The following PKNOX2 variants were observed in gnomAD, a reference collection of about 807,000 sequenced individuals.
PKNOX2 encodes homeobox protein PKNOX2.
Under a neutral mutation model 53.1 loss-of-function variants are expected in PKNOX2, and 14 were observed. That is an observed-to-expected ratio of 0.26 (90% CI 0.17 to 0.41). PKNOX2 has a LOEUF of 0.41. PKNOX2 is among the 10% of genes least tolerant of loss of function. The pLI is 1.00. For synonymous variants in PKNOX2, 257 were observed against 242.8 expected, an observed-to-expected ratio of 1.06 and a Z score of -0.54; for missense variants, 496 against 602.8, an observed-to-expected ratio of 0.82 and a Z score of 1.85.
intron 4 of PKNOX2, among the ~76,000 whole-genome samples, chr11:125,365,489 T>C (rs978619191): frequency 6.6e-6 from 1 of 152,224 alleles, no homozygotes; most frequent in African/African-American, 2.4e-5. Flanking sequence ...GTTAGAAGTG[T>C]TAAATTTTAA....
chr11:125,351,124 C>T (rs1425065453), intron 3 of PKNOX2, among the ~76,000 whole-genome samples, 160 bp from the exon 4 acceptor site: 9 of 152,164 alleles, frequency 5.9e-5, no homozygotes, highest in African/African-American at 2.2e-4. Context: ...CCCACCCAGG[C>T]CTCTTCCTTA....
At chr11:125,414,359 C>T (rs574629898) in intron 10 of PKNOX2, among the ~76,000 whole-genome samples, 24 of 152,324 alleles carry the variant, frequency 1.6e-4, no homozygotes, top group African/African-American at 5.8e-4. Flanking sequence ...GGCACAGGTG[C>T]AGGTGCCATT....
chr11:125,410,686 T>C (rs1019577041), intron 8 of PKNOX2, 93 bp from the exon 9 acceptor site: 7 of 970,728 alleles, frequency 7.2e-6, no homozygotes, highest in South Asian at 5.7e-5. Context: ...AGAGGGTCTT[T>C]ACACATGAGT....
chr11:125,381,055 G>A (rs1437091691), intron 5 of PKNOX2, among the ~76,000 whole-genome samples: 1 of 152,186 alleles, frequency 6.6e-6, no homozygotes, highest in African/African-American at 2.4e-5. Context: ...GCTGAGAAAT[G>A]GAGCGTGTCT....
Position 125,220,753 on chromosome 11 carries a change from A to AGG in PKNOX2, c.-200-14289_-200-14288dup, listed in dbSNP as rs1464509822. Among the ~76,000 whole-genome samples the AGG allele has an allele frequency of 2.0e-5, 3 of 152,286 alleles. No individual in the cohort carries two copies. The East Asian group carries it at 5.8e-4, about 29-fold the overall frequency. On this transcript the variant is annotated intron_variant, in intron 1 of 12. Coordinates refer to ENST00000298282, the MANE Select transcript of PKNOX2 (RefSeq NM_001382323.2). ...GCAGTATTTCTGACTACAAAAGCAG[A>AGG]GGGGATGTTCCTCCGAAGTTTCAAA...
Position 125,285,481 on chromosome 11 carries a change from A to G in PKNOX2, c.-129-46338A>G, listed in dbSNP as rs549920297. The stretch of plus-strand genomic sequence containing the variant: ...CATCATTTAACTTCTCTTAAGCTTC[A>G]GGGTAGCCTCAGCTGTATCTTCATC... On this transcript the variant is annotated intron_variant, in intron 2 of 12. Transcript: ENST00000298282. 2.3e-3 allele frequency among the ~76,000 whole-genome samples: 357 copies of G among 152,354 alleles called. 5 individuals are homozygous for G. Among genetic ancestry groups the G allele is most frequent in the African/African-American group, 8.2e-3 (343 of 41,598 alleles).
At chr11:125,296,719 T>G (rs569742518) in intron 2 of PKNOX2, among the ~76,000 whole-genome samples, 27 of 152,330 alleles carry the variant, frequency 1.8e-4, no homozygotes, top group African/African-American at 6.5e-4. Context: ...CACTGCAACC[T>G]CTGTCTCCTG....
At chr11:125,317,183 C>A (rs1338329844) in intron 2 of PKNOX2, among the ~76,000 whole-genome samples, 1 of 152,196 alleles carries the variant, frequency 6.6e-6, no homozygotes, top group East Asian at 1.9e-4. Flanking sequence ...CATTCTAGTT[C>A]TCTTGCTATT....
intron 10 of PKNOX2, among the ~76,000 whole-genome samples, chr11:125,416,324 A>AAAAG: frequency 6.8e-6 from 1 of 148,070 alleles, no homozygotes; most frequent in Non-Finnish European, 1.5e-5. Flanking sequence ...AAAAAAAAAA[A>AAAAG]AAAGAAAGTG....
At chr11:125,227,513 G>A (rs1941809576) in intron 1 of PKNOX2, among the ~76,000 whole-genome samples, 1 of 152,196 alleles carries the variant, frequency 6.6e-6, no homozygotes, top group South Asian at 2.1e-4. Context: ...ACCTAGAATA[G>A]TATCCTCGAG....
chr11:125,216,294 T>G (rs1940485879), intron 1 of PKNOX2, among the ~76,000 whole-genome samples: 1 of 152,148 alleles, frequency 6.6e-6, no homozygotes, highest in Admixed American at 6.6e-5. Flanking sequence ...TTCGAGTCTG[T>G]CTGCTCCTGA....
intron 1 of PKNOX2, among the ~76,000 whole-genome samples, chr11:125,211,603 G>A (rs1939856784): frequency 6.6e-6 from 1 of 152,114 alleles, no homozygotes; most frequent in Admixed American, 6.6e-5. Flanking sequence ...TTTCTGAGCT[G>A]AGCCCTGGAA....
At chr11:125,203,377 A>T (rs1001926576) in intron 1 of PKNOX2, among the ~76,000 whole-genome samples, 1 of 152,194 alleles carries the variant, frequency 6.6e-6, no homozygotes, top group African/African-American at 2.4e-5. Context: ...AAGTATGGGG[A>T]TTATAGGCAT....
intron 2 of PKNOX2, among the ~76,000 whole-genome samples, chr11:125,269,861 G>A (rs1401676665): frequency 4.6e-5 from 7 of 152,148 alleles, no homozygotes; most frequent in Non-Finnish European, 1.0e-4. Context: ...CACAAGGATT[G>A]GCTTGGGGCA....
At chr11:125,394,417 A>G (rs186127154) in intron 6 of PKNOX2, among the ~76,000 whole-genome samples, 22 of 152,310 alleles carry the variant, frequency 1.4e-4, no homozygotes, top group Non-Finnish European at 2.8e-4. Context: ...GACGACACAC[A>G]ATCGCTGCTT....
chr11:125,195,886 C>CGT (rs148155295), intron 1 of PKNOX2, among the ~76,000 whole-genome samples: 16 of 34,838 alleles, frequency 4.6e-4, no homozygotes, highest in African/African-American at 2.3e-3. Flanking sequence ...TGTACATGCA[C>CGT]ACACACACAC....
intron 1 of PKNOX2, among the ~76,000 whole-genome samples, chr11:125,175,207 A>AGAAGGAAGGAAG (rs368917674): frequency 0.062 from 8,662 of 138,946 alleles, 271 homozygotes; most frequent in Non-Finnish European, 0.074. Flanking sequence ...GGGTTTGAGG[A>AGAAGGAAGGAAG]GAAGGAAGGA....
intron 2 of PKNOX2, among the ~76,000 whole-genome samples, chr11:125,237,865 T>C (rs1379865161): frequency 6.6e-6 from 1 of 152,188 alleles, no homozygotes; most frequent in Non-Finnish European, 1.5e-5. Flanking sequence ...TTCACTTACA[T>C]CCAGGGCTCC....
rs995328399 is a variant in PKNOX2 at position 125,166,038 on chromosome 11, C to T, written c.-201+1262C>T. ...TGAGGGGTAGGGGCTTGTGGATCGG[C>T]CTGAATTAGGGCTGGGTTTTAGGAC... On this transcript the variant is annotated intron_variant, in intron 1 of 12. Transcript: ENST00000298282. This position sits in a 1 kb window ranked among gnomAD's most constrained non-coding sequence, Gnocchi z 4.0. Among the ~76,000 whole-genome samples the T allele has an allele frequency of 1.3e-5, 2 of 151,958 alleles. No individual in the cohort carries two copies. The highest frequency in any genetic ancestry group is 4.2e-4 in the South Asian group (2 of 4,812).
Sources: allele counts gnomAD v4.1 joint callset (sites outside exome capture counted in the v4.1 genomes callset), GRCh38; gene constraint gnomAD v4.1.1; non-coding constraint Gnocchi (gnomAD v3.1); transcripts MANE v1.5; gene names NCBI Gene and HGNC (gene_info 2026-07-23, HGNC 2026-07-21).